PAFAH2: variants seen among roughly 807,000 people sequenced by gnomAD.
The protein encoded by PAFAH2 is platelet activating factor acetylhydrolase 2, also known as platelet-activating factor acetylhydrolase 2, cytoplasmic.
A neutral mutation model predicts 49.0 loss-of-function variants in PAFAH2; 42 were observed. That is an observed-to-expected ratio of 0.86 (90% CI 0.67 to 1.11). PAFAH2 has a LOEUF of 1.11. Ranked by LOEUF, PAFAH2 falls within the 50% of genes least tolerant of loss-of-function variation. The pLI, the probability that PAFAH2 is intolerant of heterozygous loss-of-function variation, is 0.00. For synonymous variants in PAFAH2, 184 were observed against 181.3 expected (o/e 1.01, Z -0.12); for missense variants, 503 against 501.8 (o/e 1.00, Z -0.02).
rs1034049300 is a variant in PAFAH2, at chr1:25,971,422, G to A, written c.1084+1136C>T. Among the ~76,000 whole-genome samples the A allele has an allele frequency of 5.3e-5, 8 of 151,840 alleles. No homozygotes were observed. The South Asian group carries it at 8.3e-4, about 16-fold the overall frequency. On this transcript the variant is annotated intron_variant, in intron 10 of 10. Transcript: ENST00000374282. ...AGCTGAAGATGAAAGGATGCCGCAA[G>A]CTAAAGGGAACACACTCTGAGTGGT...
At chr1:25,997,822 G>A (rs1046622122) in intron 1 of PAFAH2, among the ~76,000 whole-genome samples, 1 of 152,132 alleles carries the variant, frequency 6.6e-6, no homozygotes, top group Non-Finnish European at 1.5e-5. Context: ...GATTCCAGGG[G>A]CACTGGCCGT....
intron 10 of PAFAH2, among the ~76,000 whole-genome samples, chr1:25,968,063 G>A (rs1433234312): frequency 6.6e-6 from 1 of 152,176 alleles, no homozygotes; most frequent in Non-Finnish European, 1.5e-5. Flanking sequence ...CTACTCGGGA[G>A]GCTGAGGCAG....
intron 4 of PAFAH2, among the ~76,000 whole-genome samples, chr1:25,987,085 A>C (rs2049792685): frequency 6.6e-6 from 1 of 151,360 alleles, no homozygotes; most frequent in Non-Finnish European, 1.5e-5. Context: ...CTCTACAAAA[A>C]TTAGCTGGAC....
chr1:25,970,739 C>T (rs1572343722), intron 10 of PAFAH2, among the ~76,000 whole-genome samples: 1 of 152,174 alleles, frequency 6.6e-6, no homozygotes, highest in East Asian at 1.9e-4. Context: ...GCACATGCCA[C>T]CATACCTGGC....
At chr1:25,965,817 CAAAAAAAAAAAA>C (rs56272061) in intron 10 of PAFAH2, among the ~76,000 whole-genome samples, 2 of 17,388 alleles carry the variant, frequency 1.2e-4, no homozygotes, top group East Asian at 2.4e-3. Context: ...GACTTTGTCT[CAAAAAAAAAAAA>C]AAAAAAAAAA....
At chr1:25,983,796 T>C in intron 6 of PAFAH2, 150 bp downstream of exon 6, 1 of 867,044 alleles carries the variant, frequency 1.2e-6, no homozygotes, top group Admixed American at 2.4e-5. Context: ...AGAGTCCTGA[T>C]TAATATCCTA....
At chr1:25,990,655 G>T in intron 2 of PAFAH2, 72 bp downstream of exon 2, 1 of 1,265,358 alleles carries the variant, frequency 7.9e-7, no homozygotes, top group South Asian at 1.2e-5. Flanking sequence ...TACAGGATCA[G>T]ACTTGTGATC....
intron 10 of PAFAH2, among the ~76,000 whole-genome samples, chr1:25,963,799 C>T (rs1477945976): frequency 6.6e-6 from 1 of 152,070 alleles, no homozygotes. Flanking sequence ...CGGTGCCTGG[C>T]CAGGCCAATG....
chr1:25,996,691 T>C (rs1358791981), intron 1 of PAFAH2, among the ~76,000 whole-genome samples: 3 of 152,174 alleles, frequency 2.0e-5, no homozygotes, highest in Non-Finnish European at 4.4e-5. Context: ...GAGGATTAAA[T>C]AATGCATGTA....
chr1:25,989,868 T>C (rs779271007), intron 2 of PAFAH2, among the ~76,000 whole-genome samples: 11 of 152,160 alleles, frequency 7.2e-5, no homozygotes, highest in Non-Finnish European at 1.0e-4. Context: ...AATATTTGAG[T>C]GCTTGGGACA....
intron 10 of PAFAH2, among the ~76,000 whole-genome samples, chr1:25,962,742 T>G (rs1003434734): frequency 6.6e-6 from 1 of 151,762 alleles, no homozygotes; most frequent in Admixed American, 6.6e-5. Context: ...GGAGGATTGC[T>G]TGAGGCAAGG....
rs1009749307 is a variant in PAFAH2, at chr1:25,960,370, G to A, written c.*1619C>T. On this transcript the variant is annotated 3_prime_UTR_variant, in exon 11 of 11. Coordinates refer to ENST00000374282, the MANE Select transcript of PAFAH2 (RefSeq NM_000437.4). ...GCACGAAGTCTTGAGTAGTGGAGAA[G>A]AGAGTTTCAGTTTGATGCCCCCAAA... 1 of 152,654 alleles carries A rather than the reference G, an allele frequency of 6.6e-6. No homozygotes were observed. Among genetic ancestry groups the A allele is most frequent in the Non-Finnish European group, 1.5e-5 (1 of 68,054 alleles). The allele number at this position is 152,654 out of a possible 1,614,324, so 9.5% of individuals were successfully genotyped here.
At chr1:25,969,429 C>T (rs562714754) in intron 10 of PAFAH2, among the ~76,000 whole-genome samples, 26 of 152,352 alleles carry the variant, frequency 1.7e-4, no homozygotes, top group African/African-American at 5.8e-4. Context: ...ACCAGAGTCA[C>T]CGCCAGCATA....
chr1:25,983,748 A>G lies in PAFAH2; in HGVS notation c.552+198T>C, dbSNP rs142657459. ...GAGCCCATCATTCCCTTTTTTGCCT[A>G]GGTAAGCCTAAGTTGGGGTTCTGTC... On this transcript the variant is annotated intron_variant, in intron 6 of 10. Coordinates refer to ENST00000374282, the MANE Select transcript of PAFAH2 (RefSeq NM_000437.4). Among the ~76,000 whole-genome samples the G allele has an allele frequency of 3.2e-3, 492 of 152,084 alleles. 3 individuals carry two copies. Among genetic ancestry groups the G allele is most frequent in the African/African-American group, 0.01 (423 of 41,522 alleles).
In PAFAH2 at chr1:25,989,436, G is replaced by A; in HGVS notation, c.244+12C>T. The A allele has an allele frequency of 1.9e-6, 3 of 1,585,852 alleles. No homozygotes were observed. The highest frequency in any genetic ancestry group is 1.2e-5 in the South Asian group (1 of 86,836). On this transcript the variant is annotated intron_variant, in intron 3 of 10. Coordinates refer to ENST00000374282, the MANE Select transcript of PAFAH2 (RefSeq NM_000437.4). Reference sequence around the variant, plus strand: ...AACTGGGAAAGCATGCAGAGGTCAGGCCAGCCCTTACCCACCGCCAGGTTG... The same window carrying A: ...AACTGGGAAAGCATGCAGAGGTCAGACCAGCCCTTACCCACCGCCAGGTTG...
chr1:25,992,337 G>T (rs2049887482), intron 1 of PAFAH2, among the ~76,000 whole-genome samples: 1 of 151,976 alleles, frequency 6.6e-6, no homozygotes. Flanking sequence ...ATCCTAAGAG[G>T]AAAAAAAGCA....
In PAFAH2 at chr1:25,959,862, G is replaced by A. The variant is rs2049314534; in HGVS notation, c.*2127C>T. On this transcript the variant is annotated 3_prime_UTR_variant, in exon 11 of 11. Coordinates refer to ENST00000374282, the MANE Select transcript of PAFAH2 (RefSeq NM_000437.4). ...CAAGTTTCAACAAATTTTGAAGGAT[G>A]GAAACCATATGGGTCATTTTCTCTG... 2 of 152,134 alleles carry A rather than the reference G, an allele frequency of 1.3e-5. No individual in the cohort carries two copies. The highest frequency in any genetic ancestry group is 4.8e-5 in the African/African-American group (2 of 41,438). 9.4% of individuals were successfully genotyped at this position (152,134 alleles called of 1,614,324 possible).
intron 7 of PAFAH2, among the ~76,000 whole-genome samples, chr1:25,977,720 C>T: frequency 6.6e-6 from 1 of 151,626 alleles, no homozygotes. Flanking sequence ...CCACACTGAC[C>T]CATCAGTTTA....
intron 10 of PAFAH2, among the ~76,000 whole-genome samples, chr1:25,966,966 A>G (rs575855619): frequency 6.2e-4 from 90 of 145,122 alleles, no homozygotes; most frequent in African/African-American, 2.2e-3. Flanking sequence ...TGGGAGGCGG[A>G]GCTTGCAGTG....
Sources: allele counts gnomAD v4.1 joint callset (sites outside exome capture counted in the v4.1 genomes callset), GRCh38; gene constraint gnomAD v4.1.1; transcripts MANE v1.5; gene names NCBI Gene and HGNC (gene_info 2026-07-23, HGNC 2026-07-21).